The following MEGF6 variants were observed in gnomAD, a reference collection of about 807,000 sequenced individuals.
The protein encoded by MEGF6 is multiple EGF like domains 6, also known as multiple epidermal growth factor-like domains protein 6.
Under a neutral mutation model 207.1 loss-of-function variants are expected in MEGF6, and 184 were observed. The observed-to-expected ratio is 0.89, with a 90% CI of 0.79 to 1.00. The LOEUF is 1.00. Among genes scored for constraint, MEGF6 ranks in the 50% least tolerant of loss-of-function variants. The pLI, the probability that MEGF6 is intolerant of heterozygous loss-of-function variation, is 0.00. For synonymous variants in MEGF6, 1,038 were observed against 910.0 expected (o/e 1.14, Z -2.53); for missense variants, 2,282 against 2,202.9 (o/e 1.04, Z -0.72).
chr1:3,554,405 T>C (rs1213353879), intron 4 of MEGF6, among the ~76,000 whole-genome samples: 1 of 151,622 alleles, frequency 6.6e-6, no homozygotes, highest in African/African-American at 2.4e-5. Context: ...ACTCCAGGTG[T>C]CCCGGTGAGA....
At chr1:3,532,176 CGAG>C (rs1158885748) in intron 4 of MEGF6, among the ~76,000 whole-genome samples, 5 of 152,200 alleles carry the variant, frequency 3.3e-5, no homozygotes, top group Non-Finnish European at 7.3e-5. Context: ...CCACGCTCCT[CGAG>C]GGCATAGCCC....
intron 3 of MEGF6, among the ~76,000 whole-genome samples, chr1:3,587,230 G>T (rs1393159691): frequency 6.6e-6 from 1 of 152,240 alleles, no homozygotes; most frequent in Non-Finnish European, 1.5e-5. Flanking sequence ...GGACTCCGCG[G>T]TCATAACACC....
the MEGF6 span, among the ~76,000 whole-genome samples, chr1:3,620,921 C>T: frequency 1.3e-5 from 2 of 152,204 alleles, no homozygotes; most frequent in Non-Finnish European, 2.9e-5. Flanking sequence ...GGACAGGGGG[C>T]CCTTCCCCGT....
intron 4 of MEGF6, among the ~76,000 whole-genome samples, chr1:3,530,911 C>G (rs1642134035): frequency 1.3e-5 from 2 of 152,228 alleles, no homozygotes; most frequent in African/African-American, 4.8e-5. Flanking sequence ...CCTCAGCGCC[C>G]ACGGACCCTG....
At chr1:3,518,552 T>C (rs1424629027) in intron 5 of MEGF6, among the ~76,000 whole-genome samples, 1 of 152,238 alleles carries the variant, frequency 6.6e-6, no homozygotes, top group Non-Finnish European at 1.5e-5. Flanking sequence ...TCTGAGCTCG[T>C]TGGCTGACTG....
chr1:3,523,273 T>C (rs770104167), intron 5 of MEGF6, among the ~76,000 whole-genome samples: 2 of 152,166 alleles, frequency 1.3e-5, no homozygotes, highest in Non-Finnish European at 2.9e-5. Flanking sequence ...CCGTCCTTGC[T>C]TGGGGCGCCT....
intron 5 of MEGF6, among the ~76,000 whole-genome samples, chr1:3,519,286 A>T (rs984491489): frequency 1.3e-5 from 2 of 152,130 alleles, no homozygotes; most frequent in African/African-American, 4.8e-5. Flanking sequence ...CCCTATAGAC[A>T]AGTGCTAGCA....
Position 3,498,625 on chromosome 1 carries a change from C to A in MEGF6, c.3223+73G>T, listed in dbSNP as rs1640716547. 4 of 1,489,722 alleles carry A rather than the reference C, an allele frequency of 2.7e-6. No homozygotes were observed. In the South Asian group the frequency reaches 3.8e-5, roughly 14 times the overall value. The allele number at this position is 1,489,722 out of a possible 1,614,324, so 92.3% of individuals were successfully genotyped here. On this transcript the variant is annotated intron_variant, in intron 25 of 36. Coordinates refer to ENST00000356575, the MANE Select transcript of MEGF6 (RefSeq NM_001409.4). ...AGGGCGCTGCCCCCTGACCTGGGAG[C>A]CCTCCTAGGCCTGCAGGCGGGGCTG...
At chr1:3,537,411 T>C (rs978214772) in intron 4 of MEGF6, among the ~76,000 whole-genome samples, 2 of 152,196 alleles carry the variant, frequency 1.3e-5, no homozygotes, top group Admixed American at 6.5e-5. Flanking sequence ...GAGGTGGCCA[T>C]GTTGCAGGGA....
Position 3,565,600 on chromosome 1 carries a change from G to A in MEGF6, c.481+14225C>T, listed in dbSNP as rs1643322419. The stretch of plus-strand genomic sequence containing the variant: ...TGGACGGTCCCCATGGTAGGACCTG[G>A]GGCACAGCACCAGGGTGCCCGGTGT... On this transcript the variant is annotated intron_variant, in intron 4 of 36. Transcript: ENST00000356575. The surrounding 1 kb of genome is among the most constrained non-coding windows in gnomAD (Gnocchi z 4.8). Among the ~76,000 whole-genome samples the A allele has an allele frequency of 6.6e-6, 1 of 152,172 alleles. No individual in the cohort carries two copies. Among genetic ancestry groups the A allele is most frequent in the Non-Finnish European group, 1.5e-5 (1 of 68,010 alleles).
At chr1:3,521,967 G>A (rs1177347035) in intron 5 of MEGF6, among the ~76,000 whole-genome samples, 1 of 152,314 alleles carries the variant, frequency 6.6e-6, no homozygotes, top group East Asian at 1.9e-4. Flanking sequence ...TTCAGGGAGA[G>A]GAAGGCATTT....
Position 3,556,670 on chromosome 1 carries a change from C to A in MEGF6, c.481+23155G>T, listed in dbSNP as rs1345834878. ...GACTGACCACCAAGCAGACTGCAGG[C>A]AGCTTAAGAGCTCCATTGTGGACAA... On this transcript the variant is annotated intron_variant, in intron 4 of 36. Coordinates refer to ENST00000356575, the MANE Select transcript of MEGF6 (RefSeq NM_001409.4). The surrounding 1 kb of genome is among the most constrained non-coding windows in gnomAD (Gnocchi z 4.4). Among the ~76,000 whole-genome samples the A allele has an allele frequency of 6.6e-6, 1 of 152,164 alleles. No individual in the cohort carries two copies. Among genetic ancestry groups the A allele is most frequent in the Non-Finnish European group, 1.5e-5 (1 of 68,028 alleles).
At chr1:3,596,874 G>A (rs565827275) in intron 2 of MEGF6, among the ~76,000 whole-genome samples, 20 of 152,076 alleles carry the variant, frequency 1.3e-4, no homozygotes, top group African/African-American at 4.3e-4. Flanking sequence ...GGTGGGAGGT[G>A]GGGGCACCCC....
intron 4 of MEGF6, among the ~76,000 whole-genome samples, chr1:3,564,565 T>C (rs1643294416): frequency 6.6e-6 from 1 of 152,012 alleles, no homozygotes; most frequent in African/African-American, 2.4e-5. Context: ...ACTGTGCTGG[T>C]CTAAGGTTGC....
chr1:3,559,614 G>A (rs114431527), intron 4 of MEGF6, among the ~76,000 whole-genome samples: 197 of 151,966 alleles, frequency 1.3e-3, no homozygotes, highest in African/African-American at 4.4e-3. Flanking sequence ...GGAGTGGGAC[G>A]GTGGGAGTAT....
intron 4 of MEGF6, among the ~76,000 whole-genome samples, chr1:3,571,473 G>A (rs970217790): frequency 1.3e-5 from 2 of 151,802 alleles, no homozygotes; most frequent in African/African-American, 2.4e-5. Flanking sequence ...CCCCAAGGGT[G>A]CTGGGTCCTC....
At chr1:3,564,562 T>C (rs1643294358) in intron 4 of MEGF6, among the ~76,000 whole-genome samples, 1 of 152,084 alleles carries the variant, frequency 6.6e-6, no homozygotes, top group Non-Finnish European at 1.5e-5. Flanking sequence ...CCCACTGTGC[T>C]GGTCTAAGGT....
chr1:3,500,852 C>G, intron 20 of MEGF6, 88 bp from the exon 21 acceptor site: 1 of 1,594,368 alleles, frequency 6.3e-7, no homozygotes, highest in South Asian at 1.1e-5. Flanking sequence ...CGTCTCAGGA[C>G]TGGGGCAAGG....
intron 4 of MEGF6, among the ~76,000 whole-genome samples, chr1:3,546,025 G>A (rs925935605): frequency 6.6e-5 from 10 of 152,224 alleles, no homozygotes; most frequent in Non-Finnish European, 1.3e-4. Context: ...GATGATGACA[G>A]TAAGTGTCTG....
Sources: gnomAD v4.1 joint callset for allele counts (sites outside exome capture counted in the v4.1 genomes callset) on GRCh38, gnomAD v4.1.1 for gene constraint, Gnocchi (gnomAD v3.1) non-coding constraint, MANE v1.5 for transcripts, NCBI Gene and HGNC (gene_info 2026-07-23, HGNC 2026-07-21) for gene names.